Variants in CPLX4 observed in about 807,000 individuals in gnomAD.
CPLX4 encodes complexin-4.
CPLX4 carries 17 observed loss-of-function variants against 16.1 expected under a neutral mutation model. The ratio of observed to expected loss-of-function variants is 1.06; its 90% CI spans 0.72 to 1.59. CPLX4 has a LOEUF of 1.59. Ranked by LOEUF, CPLX4 falls within the 40% of genes most tolerant of loss-of-function variation. The probability of loss-of-function intolerance (pLI) is 0.00; values close to 1 mark genes in which losing one functional copy is unlikely to be tolerated. For synonymous variants in CPLX4, 55 were observed against 57.8 expected (o/e 0.95, Z 0.22); for missense variants, 193 against 192.9 (o/e 1.00, Z 0.00).
Position 59,296,907 on chromosome 18 carries a change from G to T in CPLX4, c.274C>A (p.Gln92Lys), listed in dbSNP as rs1224890951. The change falls in exon 3 of 3, where the codon CAA (glutamine) becomes AAA (lysine). Residue 92 changes from glutamine to lysine, a missense_variant. Physicochemically the swap from Gln to Lys is moderately conservative, Grantham distance 53. Coordinates refer to ENST00000299721, the MANE Select transcript of CPLX4 (RefSeq NM_181654.4). ...RLPKSEMDEN[Q>K]IQMAGDDVDL... ...ACATCATCTCCAGCCATCTGGATTT[G>T]ATTCTCATCCATTTCACTCTATGTG... The T allele has an allele frequency of 1.2e-6, 2 of 1,611,048 alleles. No individual in the cohort carries two copies. Among genetic ancestry groups the T allele is most frequent in the Non-Finnish European group, 1.7e-6 (2 of 1,179,560 alleles).
chr18:59,313,928 T>A (rs150482733), intron 1 of CPLX4, among the ~76,000 whole-genome samples: 8 of 152,370 alleles, frequency 5.3e-5, no homozygotes, highest in African/African-American at 1.9e-4. Context: ...TAAAGCATTA[T>A]CTGCTTAAAA....
intron 2 of CPLX4, among the ~76,000 whole-genome samples, chr18:59,297,460 A>G (rs2144176786): frequency 6.6e-6 from 1 of 151,994 alleles, no homozygotes; most frequent in South Asian, 2.1e-4. Context: ...TTGTATTTTT[A>G]GTAGAGACGG....
intron 2 of CPLX4, among the ~76,000 whole-genome samples, chr18:59,298,499 A>G (rs28410169): frequency 0.039 from 5,957 of 152,194 alleles, 385 homozygotes; most frequent in African/African-American, 0.13. Flanking sequence ...ATATGTTGTG[A>G]CCAGCCTTAA....
intron 2 of CPLX4, among the ~76,000 whole-genome samples, chr18:59,299,705 T>C (rs1005390725): frequency 2.0e-5 from 3 of 152,186 alleles, no homozygotes; most frequent in Admixed American, 6.5e-5. Context: ...CAATTCTACG[T>C]TGCCTTATGG....
intron 2 of CPLX4, among the ~76,000 whole-genome samples, chr18:59,303,981 C>G (rs2070558794): frequency 6.6e-6 from 1 of 152,188 alleles, no homozygotes; most frequent in African/African-American, 2.4e-5. Context: ...GCTGGGCAGC[C>G]CCAAGAGCTC....
At chr18:59,313,461 A>T (rs2070631621) in intron 1 of CPLX4, among the ~76,000 whole-genome samples, 1 of 152,168 alleles carries the variant, frequency 6.6e-6, no homozygotes, top group African/African-American at 2.4e-5. Context: ...CTGGTTTGAA[A>T]TGGACGTTCT....
At chr18:59,305,356 T>TAAAC (rs36130635) in intron 2 of CPLX4, among the ~76,000 whole-genome samples, 36 of 150,982 alleles carry the variant, frequency 2.4e-4, no homozygotes, top group South Asian at 8.4e-4. Flanking sequence ...ATAGTGGCTT[T>TAAAC]AAACAAACAA....
chr18:59,318,644 T>A lies in CPLX4; in HGVS notation c.-182A>T. On this transcript the variant is annotated 5_prime_UTR_variant, in exon 1 of 3. Coordinates refer to ENST00000299721, the MANE Select transcript of CPLX4 (RefSeq NM_181654.4). Reference sequence around the variant, plus strand: ...ATAGAGAAGAGTGGTTTGTCGGCCGTAAGCTGGATTAAAGTGGTGAACTCC... The same window carrying A: ...ATAGAGAAGAGTGGTTTGTCGGCCGAAAGCTGGATTAAAGTGGTGAACTCC... The A allele has an allele frequency of 8.8e-7, 1 of 1,130,270 alleles. No individual in the cohort carries two copies. Among genetic ancestry groups the A allele is most frequent in the Non-Finnish European group, 1.2e-6 (1 of 839,532 alleles). 70.0% of individuals were successfully genotyped at this position (1,130,270 alleles called of 1,614,324 possible).
At position 59,296,928 on chromosome 18, in the gene CPLX4, A is replaced by G. The variant is rs368511566; in HGVS notation, c.256-3T>C. 7.9e-5 allele frequency: 127 copies of G among 1,602,208 alleles called. No individual in the cohort carries two copies. Among genetic ancestry groups the G allele is most frequent in the Non-Finnish European group, 9.8e-5 (115 of 1,177,696 alleles). On this transcript the variant is annotated splice_region_variant and splice_polypyrimidine_tract_variant and intron_variant, in intron 2 of 2. Transcript: ENST00000299721. ...ATTTGATTCTCATCCATTTCACTCTATGTGAAAAATAAATAGAGATAGATA... is the reference window on the plus strand; with the variant it reads ...ATTTGATTCTCATCCATTTCACTCTGTGTGAAAAATAAATAGAGATAGATA...
In CPLX4 at chr18:59,295,567, C is replaced by CAAAAA. The variant is rs5825327; in HGVS notation, c.*1126_*1130dup. On this transcript the variant is annotated 3_prime_UTR_variant, in exon 3 of 3. Transcript: ENST00000299721. ...TTATTCACTGTATGAACAGAGTCAC[C>CAAAAA]AAAAAAAAAAAAAAAAATCAGTATT... 7.1e-6 allele frequency: 1 copy of CAAAAA among 140,380 alleles called. No homozygotes were observed. The allele number at this position is 140,380 out of a possible 1,614,324, so 8.7% of individuals were successfully genotyped here.
chr18:59,310,875 C>T (rs1383646456), intron 2 of CPLX4, among the ~76,000 whole-genome samples: 1 of 151,892 alleles, frequency 6.6e-6, no homozygotes, highest in Non-Finnish European at 1.5e-5. Context: ...TAGATCCCTA[C>T]AGAAGAATAA....
At chr18:59,302,363 T>C (rs147011380) in intron 2 of CPLX4, among the ~76,000 whole-genome samples, 7 of 152,280 alleles carry the variant, frequency 4.6e-5, no homozygotes, top group African/African-American at 1.7e-4. Context: ...TCAGCATCAC[T>C]ACAGGCCGGA....
intron 2 of CPLX4, among the ~76,000 whole-genome samples, chr18:59,311,020 A>G (rs2070613647): frequency 6.7e-6 from 1 of 150,228 alleles, no homozygotes; most frequent in African/African-American, 2.5e-5. Flanking sequence ...CAACAAGTTG[A>G]TGATGCTTTA....
At chr18:59,312,835 T>A in intron 1 of CPLX4, 63 bp from the exon 2 acceptor site, 3 of 828,012 alleles carry the variant, frequency 3.6e-6, no homozygotes, top group Non-Finnish European at 6.2e-6. Flanking sequence ...CTGCCCGTGC[T>A]CAGAGGAGCC....
At chr18:59,299,850 C>T (rs1178399066) in intron 2 of CPLX4, among the ~76,000 whole-genome samples, 4 of 152,202 alleles carry the variant, frequency 2.6e-5, no homozygotes, top group African/African-American at 9.7e-5. Flanking sequence ...TACTCAGACC[C>T]ACTGAATCAG....
intron 2 of CPLX4, among the ~76,000 whole-genome samples, chr18:59,309,481 G>A (rs552888639): frequency 1.3e-5 from 2 of 152,050 alleles, no homozygotes; most frequent in African/African-American, 4.8e-5. Context: ...TTTAAGCCAC[G>A]TGGAATTCAA....
intron 2 of CPLX4, among the ~76,000 whole-genome samples, chr18:59,306,697 T>C (rs892202214): frequency 2.0e-5 from 3 of 152,204 alleles, no homozygotes; most frequent in African/African-American, 7.2e-5. Context: ...AAATGTGACA[T>C]AGTTATCCTC....
intron 2 of CPLX4, among the ~76,000 whole-genome samples, chr18:59,309,233 C>T (rs2070599138): frequency 6.6e-6 from 1 of 152,134 alleles, no homozygotes; most frequent in Non-Finnish European, 1.5e-5. Flanking sequence ...ATACCATAGG[C>T]ACGGTTTTGA....
rs2070500380 is a variant in CPLX4 at position 59,296,347 on chromosome 18, G to A, written c.*351C>T. 6.6e-6 allele frequency: 2 copies of A among 304,302 alleles called. No homozygotes were observed. Among genetic ancestry groups the A allele is most frequent in the South Asian group, 6.4e-5 (2 of 31,436 alleles). The allele number at this position is 304,302 out of a possible 1,614,324, so 18.9% of individuals were successfully genotyped here. A position where few individuals can be genotyped will look rare whatever the true frequency, so the allele number is the denominator to read the frequency against. On this transcript the variant is annotated 3_prime_UTR_variant, in exon 3 of 3. Transcript: ENST00000299721. Reference sequence around the variant, plus strand: ...TCCTGCGAATAGTTGGACAGGGTGAGAACTTGGCCTCCAAGGAAGAAAGTT... The same window carrying A: ...TCCTGCGAATAGTTGGACAGGGTGAAAACTTGGCCTCCAAGGAAGAAAGTT...
Sources: gnomAD v4.1 joint callset for allele counts (sites outside exome capture counted in the v4.1 genomes callset) on GRCh38, gnomAD v4.1.1 for gene constraint, MANE v1.5 for transcripts, NCBI Gene and HGNC (gene_info 2026-07-23, HGNC 2026-07-21) for gene names.